Variants in ARIH2 observed in about 807,000 individuals in gnomAD.
ARIH2 encodes ariadne RBR E3 ubiquitin protein ligase 2.
ARIH2 carries 12 observed loss-of-function variants against 79.8 expected under a neutral mutation model. That is an observed-to-expected ratio of 0.15 (90% CI 0.10 to 0.24). The LOEUF is 0.24. Among genes scored for constraint, ARIH2 ranks in the 10% least tolerant of loss-of-function variants. The pLI, the probability that ARIH2 is intolerant of heterozygous loss-of-function variation, is 1.00. For synonymous variants in ARIH2, 224 were observed against 213.9 expected (o/e 1.05, Z -0.41); for missense variants, 301 against 618.3 (o/e 0.49, Z 5.44).
chr3:48,971,864 C>T (rs1469964516), intron 8 of ARIH2, among the ~76,000 whole-genome samples: 1 of 152,148 alleles, frequency 6.6e-6, no homozygotes, highest in Admixed American at 6.6e-5. Context: ...AAATTCTTTC[C>T]CTGGGTATTT....
At chr3:48,931,799 G>A (rs1451696280) in intron 3 of ARIH2, among the ~76,000 whole-genome samples, 1 of 152,122 alleles carries the variant, frequency 6.6e-6, no homozygotes, top group Non-Finnish European at 1.5e-5. Context: ...GGTGGATCAC[G>A]AGGTCAGGAG....
intron 3 of ARIH2, among the ~76,000 whole-genome samples, chr3:48,941,013 CA>C (rs921476709): frequency 6.8e-6 from 1 of 147,782 alleles, no homozygotes; most frequent in Non-Finnish European, 1.5e-5. Flanking sequence ...ACTGAAAATA[CA>C]AAAAAAAATT....
At chr3:48,973,625 G>T in intron 8 of ARIH2, 74 bp from the exon 9 acceptor site, 1 of 1,095,150 alleles carries the variant, frequency 9.1e-7, no homozygotes, top group Non-Finnish European at 1.4e-6. Context: ...TTGTTGGCTT[G>T]GATAAAAGGA....
intron 3 of ARIH2, among the ~76,000 whole-genome samples, chr3:48,931,602 A>T (rs540310660): frequency 6.5e-4 from 99 of 151,652 alleles, no homozygotes; most frequent in South Asian, 1.3e-3. Flanking sequence ...TGCAAAAAAA[A>T]TTTTTTTTTA....
chr3:48,969,998 C>G (rs1257336740), intron 7 of ARIH2, among the ~76,000 whole-genome samples: 1 of 151,442 alleles, frequency 6.6e-6, no homozygotes, highest in Non-Finnish European at 1.5e-5. Flanking sequence ...TCAAGCGATT[C>G]TGCAGCCTCA....
intron 4 of ARIH2, among the ~76,000 whole-genome samples, chr3:48,963,426 G>A (rs2091477115): frequency 6.6e-6 from 1 of 152,180 alleles, no homozygotes; most frequent in Non-Finnish European, 1.5e-5. Flanking sequence ...GCTGAGGGAA[G>A]CATTCTGACT....
chr3:48,941,969 T>G (rs1490726933), intron 3 of ARIH2, among the ~76,000 whole-genome samples: 1 of 151,392 alleles, frequency 6.6e-6, no homozygotes, highest in African/African-American at 2.4e-5. Flanking sequence ...CACTGCACCC[T>G]CCGCCCCCCG....
At chr3:48,974,664 G>A (rs543662320) in intron 9 of ARIH2, 153 bp from the exon 10 acceptor site, 10 of 736,592 alleles carry the variant, frequency 1.4e-5, no homozygotes, top group East Asian at 1.0e-4. Flanking sequence ...TGCTGTTCCA[G>A]CCTCAGCGAC....
At chr3:48,981,181 C>T (rs776370295) in intron 13 of ARIH2, among the ~76,000 whole-genome samples, 3 of 151,654 alleles carry the variant, frequency 2.0e-5, no homozygotes, top group Non-Finnish European at 4.4e-5. Flanking sequence ...AAAATACAAA[C>T]GTTCGCCTGG....
At chr3:48,935,095 T>C (rs1369846761) in intron 3 of ARIH2, 2 of 345,610 alleles carry the variant, frequency 5.8e-6, no homozygotes, top group Admixed American at 6.5e-5. Context: ...CTTGCTTGCT[T>C]ATCATCCTTC....
chr3:48,941,972 G>GC (rs1028331687), intron 3 of ARIH2, among the ~76,000 whole-genome samples: 2 of 150,168 alleles, frequency 1.3e-5, no homozygotes, highest in African/African-American at 2.5e-5. Context: ...TGCACCCTCC[G>GC]CCCCCCGAGT....
Position 48,979,537 on chromosome 3 carries a change from G to A in ARIH2, c.1017G>A (p.Glu339=), listed in dbSNP as rs1363274246. The change falls in exon 12 of 16, where the codon GAG becomes GAA. Residue 339 remains glutamate (E), a synonymous_variant. Coordinates refer to ENST00000356401, the MANE Select transcript of ARIH2 (RefSeq NM_006321.4). ...AGACTCATGGCAGTGAATACTATGA[G>A]TGCAGTCGTTACAAGGAGAATCCTG... ...DWKTHGSEYY[E]CSRYKENPDI... is the part of the protein sequence containing the mutation. 1.9e-6 allele frequency: 3 copies of A among 1,614,126 alleles called. No individual in the cohort carries two copies. The highest frequency in any genetic ancestry group is 2.7e-5 in the African/African-American group (2 of 74,938).
At chr3:48,926,331 A>T (rs2085604174) in intron 2 of ARIH2, among the ~76,000 whole-genome samples, 1 of 151,682 alleles carries the variant, frequency 6.6e-6, no homozygotes. Flanking sequence ...GCAGTGGCGC[A>T]ATCTCAGCTC....
intron 1 of ARIH2, among the ~76,000 whole-genome samples, chr3:48,919,796 G>A (rs1009662447): frequency 6.6e-6 from 1 of 152,110 alleles, no homozygotes; most frequent in Non-Finnish European, 1.5e-5. Flanking sequence ...CTAGTTTTGT[G>A]CCAAGTCGTT....
intron 1 of ARIH2, chr3:48,919,213 A>T (rs922279176): frequency 1.6e-6 from 2 of 1,271,232 alleles, no homozygotes; most frequent in East Asian, 3.1e-5. Flanking sequence ...CCGCCTTCTC[A>T]GCTCTCGGAA....
In ARIH2 at chr3:48,984,940, A is replaced by G. The variant is rs1451678609; in HGVS notation, c.*1670A>G. On this transcript the variant is annotated 3_prime_UTR_variant, in exon 16 of 16. Coordinates refer to ENST00000356401, the MANE Select transcript of ARIH2 (RefSeq NM_006321.4). The stretch of plus-strand genomic sequence containing the variant: ...TCCTGTGTTGTCCCCAGCAAGGGAG[A>G]GACTGTGGGGTGGATTGGGAGAACA... The G allele has an allele frequency of 6.6e-6, 1 of 151,980 alleles. No homozygotes were observed. Among genetic ancestry groups the G allele is most frequent in the Non-Finnish European group, 1.5e-5 (1 of 68,032 alleles). 9.4% of individuals were successfully genotyped at this position (151,980 alleles called of 1,614,324 possible).
chr3:48,927,576 T>C lies in ARIH2; in HGVS notation c.18T>C (p.Asn6=), dbSNP rs1332099905. ...ATGCTAAGATGTCAGTGGACATGAA[T>C]AGCCAGGGGTCTGACAGCAATGAAG... MSVDM[N]SQGSDSNEED... Residue 6 remains asparagine (N), a synonymous_variant, in exon 3 of 16, where the codon AAT becomes AAC. Transcript: ENST00000356401. 1.9e-6 allele frequency: 3 copies of C among 1,613,738 alleles called. No homozygotes were observed. In the Admixed American group the frequency reaches 5.0e-5, roughly 27 times the overall value.
At chr3:48,980,105 C>T (rs1465144737) in intron 12 of ARIH2, 1 of 365,886 alleles carries the variant, frequency 2.7e-6, no homozygotes, top group African/African-American at 2.1e-5. Context: ...AGGGGCCTAG[C>T]TTTGCAGAGT....
In ARIH2 at chr3:48,918,894, C is replaced by G. The variant is rs761926279; in HGVS notation, c.-266C>G. 6.2e-7 allele frequency: 1 copy of G among 1,601,902 alleles called. No individual in the cohort carries two copies. ...GAAGCAGCGCGGGCTTGACCGGCGTCGGCCCGCCGCCTCCGCTGCCGCTTC... is the reference window on the plus strand; with the variant it reads ...GAAGCAGCGCGGGCTTGACCGGCGTGGGCCCGCCGCCTCCGCTGCCGCTTC... On this transcript the variant is annotated 5_prime_UTR_variant, in exon 1 of 16. Transcript: ENST00000356401.
Sources: gnomAD v4.1 joint callset for allele counts (sites outside exome capture counted in the v4.1 genomes callset) on GRCh38, gnomAD v4.1.1 for gene constraint, MANE v1.5 for transcripts, NCBI Gene and HGNC (gene_info 2026-07-23, HGNC 2026-07-21) for gene names.